The following STX19 variants were observed in gnomAD, a reference collection of about 807,000 sequenced individuals.
STX19 encodes syntaxin-19.
A neutral mutation model predicts 24.3 loss-of-function variants in STX19; 26 were observed. The observed-to-expected ratio is 1.07, with a 90% CI of 0.78 to 1.48. STX19 has a LOEUF of 1.48. Ranked by LOEUF, STX19 falls within the 40% of genes most tolerant of loss-of-function variation. The probability of loss-of-function intolerance (pLI) is 0.00; values close to 1 mark genes in which losing one functional copy is unlikely to be tolerated. For synonymous variants in STX19, 116 were observed against 106.9 expected (o/e 1.09, Z -0.52); for missense variants, 367 against 331.9 (o/e 1.11, Z -0.82).
In STX19 at chr3:94,015,002, T is replaced by A; in HGVS notation, c.268A>T (p.Arg90Ter). ...ASMRRFSLLK[R>*]ESTITKEIKI... ...ATCTCCTTTGTAATGGTAGACTCTC[T>A]CTTAAGTAGACTAAACCTTCTCATT... is the stretch of plus-strand genomic sequence containing the variant. The change falls in exon 2 of 2, where the codon AGA becomes TGA. Residue 90 changes from arginine (R) to a stop codon, truncating the protein, a stop_gained. Coordinates refer to ENST00000315099, the MANE Select transcript of STX19 (RefSeq NM_001001850.3). LOFTEE classifies it high-confidence loss of function. 6.2e-7 allele frequency: 1 copy of A among 1,614,064 alleles called. No homozygotes were observed. Among genetic ancestry groups the A allele is most frequent in the African/African-American group, 1.3e-5 (1 of 75,044 alleles).
chr3:94,021,151 A>G (rs1422189036), intron 1 of STX19, among the ~76,000 whole-genome samples: 1 of 150,580 alleles, frequency 6.6e-6, no homozygotes, highest in Non-Finnish European at 1.5e-5. Flanking sequence ...AGGTGTTAAA[A>G]AGTTGTTTTT....
chr3:94,023,460 A>G (rs1156814464), intron 1 of STX19, among the ~76,000 whole-genome samples: 1 of 151,508 alleles, frequency 6.6e-6, no homozygotes, highest in Admixed American at 6.6e-5. Context: ...GGTCTTTTCA[A>G]CCTAGAAACT....
chr3:94,015,500 C>G lies in STX19; in HGVS notation c.-13-218G>C, dbSNP rs189360223. Among the ~76,000 whole-genome samples, 33 of 152,162 alleles carry G rather than the reference C, an allele frequency of 2.2e-4. No individual in the cohort carries two copies. In the South Asian group the frequency reaches 2.3e-3, roughly 11 times the overall value. On this transcript the variant is annotated intron_variant, in intron 1 of 1. Transcript: ENST00000315099. Reference sequence around the variant, plus strand: ...TTGTAAGTTACTTTGCATGTGAGTGCTATTTAGTTGTGTGCAATAGCTGAG... The same window carrying G: ...TTGTAAGTTACTTTGCATGTGAGTGGTATTTAGTTGTGTGCAATAGCTGAG...
intron 1 of STX19, among the ~76,000 whole-genome samples, chr3:94,023,834 T>G (rs900329395): frequency 6.6e-6 from 1 of 152,128 alleles, no homozygotes; most frequent in African/African-American, 2.4e-5. Flanking sequence ...AAAGAAAAAA[T>G]TTAGCAGGAG....
intron 1 of STX19, among the ~76,000 whole-genome samples, chr3:94,026,616 C>G (rs1021590004): frequency 1.1e-4 from 16 of 152,056 alleles, no homozygotes; most frequent in African/African-American, 3.9e-4. Flanking sequence ...TTAAAACATG[C>G]AAGGACAGGA....
chr3:94,027,601 A>T (rs533603038), intron 1 of STX19, among the ~76,000 whole-genome samples: 1 of 152,104 alleles, frequency 6.6e-6, no homozygotes. Flanking sequence ...TTTAAAATAC[A>T]TATAAAAGTC....
At chr3:94,018,594 C>T (rs1171466192) in intron 1 of STX19, among the ~76,000 whole-genome samples, 1 of 152,032 alleles carries the variant, frequency 6.6e-6, no homozygotes, top group Non-Finnish European at 1.5e-5. Flanking sequence ...GCTGATGACC[C>T]AAATTTGTAT....
At chr3:94,023,753 ATAT>A (rs1432349119) in intron 1 of STX19, among the ~76,000 whole-genome samples, 1 of 152,150 alleles carries the variant, frequency 6.6e-6, no homozygotes, top group Non-Finnish European at 1.5e-5. Context: ...TCCTAGTGAA[ATAT>A]ACACAAATAA....
intron 1 of STX19, among the ~76,000 whole-genome samples, chr3:94,021,361 AT>A (rs1340209699): frequency 6.6e-6 from 1 of 151,540 alleles, no homozygotes; most frequent in Admixed American, 6.6e-5. Flanking sequence ...TGCCCAGATA[AT>A]TTTTGTATTT....
intron 1 of STX19, among the ~76,000 whole-genome samples, chr3:94,023,673 GT>G (rs1170269956): frequency 6.6e-6 from 1 of 152,070 alleles, no homozygotes; most frequent in East Asian, 1.9e-4. Context: ...CAGATCCTAC[GT>G]TTAGACATAT....
intron 1 of STX19, among the ~76,000 whole-genome samples, chr3:94,027,754 CACTT>C (rs201253208): frequency 0.014 from 2,067 of 152,146 alleles, 31 homozygotes; most frequent in Admixed American, 0.021. Context: ...TAAATGCTAA[CACTT>C]ACGTTAAATG....
At chr3:94,022,794 T>C (rs547033000) in intron 1 of STX19, among the ~76,000 whole-genome samples, 2 of 152,138 alleles carry the variant, frequency 1.3e-5, no homozygotes, top group Admixed American at 6.5e-5. Context: ...AGTAAATACA[T>C]CCATGTAACT....
chr3:94,017,728 T>C (rs1188131826), intron 1 of STX19, among the ~76,000 whole-genome samples: 1 of 152,126 alleles, frequency 6.6e-6, no homozygotes. Flanking sequence ...TAAGCAGATA[T>C]TTGAGATGTG....
intron 1 of STX19, among the ~76,000 whole-genome samples, chr3:94,025,671 T>G (rs2076541990): frequency 6.6e-6 from 1 of 152,138 alleles, no homozygotes; most frequent in African/African-American, 2.4e-5. Context: ...GGCTATTTTT[T>G]TGATTGTCAC....
chr3:94,015,328 T>A, intron 1 of STX19, 46 bp from the exon 2 acceptor site: 1 of 1,427,778 alleles, frequency 7.0e-7, no homozygotes, highest in African/African-American at 1.4e-5. Context: ...AATTTGGTAT[T>A]TTTCCCCAGT....
At position 94,024,859 on chromosome 3, in the gene STX19, A is replaced by G. The variant is rs377233243; in HGVS notation, c.-14+3508T>C. On this transcript the variant is annotated intron_variant, in intron 1 of 1. Coordinates refer to ENST00000315099, the MANE Select transcript of STX19 (RefSeq NM_001001850.3). Reference sequence around the variant, plus strand: ...CACCTCCGCCTCCCAAAGTGCTGGGATTATAGGCATGAGCTAGTGCACCCA... The same window carrying G: ...CACCTCCGCCTCCCAAAGTGCTGGGGTTATAGGCATGAGCTAGTGCACCCA... 1.2e-4 allele frequency among the ~76,000 whole-genome samples: 19 copies of G among 152,248 alleles called. No homozygotes were observed. The South Asian group carries it at 2.7e-3, about 22-fold the overall frequency.
chr3:94,015,185 C>G lies in STX19; in HGVS notation c.85G>C (p.Glu29Gln). ...RDSHVSTTETEEQGVFLQQAV... is the reference protein window; with the variant it reads ...RDSHVSTTETQEQGVFLQQAV... The stretch of plus-strand genomic sequence containing the variant: ...TGCTGTAGAAACACCCCTTGTTCCT[C>G]TGTTTCTGTAGTTGATACATGACTG... The change falls in exon 2 of 2, where the codon GAG becomes CAG. Residue 29 changes from glutamate to glutamine, a missense_variant. Coordinates refer to ENST00000315099, the MANE Select transcript of STX19 (RefSeq NM_001001850.3). 6.2e-7 allele frequency: 1 copy of G among 1,613,668 alleles called. No homozygotes were observed. The highest frequency in any genetic ancestry group is 8.5e-7 in the Non-Finnish European group (1 of 1,179,852).
At chr3:94,026,587 CA>C (rs1309974018) in intron 1 of STX19, among the ~76,000 whole-genome samples, 4 of 152,134 alleles carry the variant, frequency 2.6e-5, no homozygotes, top group African/African-American at 9.6e-5. Context: ...CAAAATGAGA[CA>C]AATAAGCATG....
intron 1 of STX19, among the ~76,000 whole-genome samples, chr3:94,016,164 A>C (rs2076330076): frequency 6.6e-6 from 1 of 152,172 alleles, no homozygotes; most frequent in East Asian, 1.9e-4. Flanking sequence ...AGGGAATAAA[A>C]AGCAGTAAAA....
Sources: allele counts gnomAD v4.1 joint callset (sites outside exome capture counted in the v4.1 genomes callset), GRCh38; gene constraint gnomAD v4.1.1; transcripts MANE v1.5; gene names NCBI Gene and HGNC (gene_info 2026-07-23, HGNC 2026-07-21).